DCC: variants seen among roughly 807,000 people sequenced by gnomAD.
DCC encodes netrin receptor DCC.
Under a neutral mutation model 172.5 loss-of-function variants are expected in DCC, and 58 were observed. The observed-to-expected ratio is 0.34, with a 90% CI of 0.27 to 0.42. The LOEUF (loss-of-function observed/expected upper bound fraction) is 0.42, where lower values mean the gene tolerates loss of function less well. Among genes scored for constraint, DCC ranks in the 10% least tolerant of loss-of-function variants. The pLI, the probability that DCC is intolerant of heterozygous loss-of-function variation, is 1.00. For synonymous variants in DCC, 709 were observed against 644.5 expected (o/e 1.10, Z -1.52); for missense variants, 1,740 against 1,791.0 (o/e 0.97, Z 0.51).
intron 12 of DCC, among the ~76,000 whole-genome samples, chr18:53,252,996 T>A (rs1323341597): frequency 3.3e-5 from 5 of 152,020 alleles, no homozygotes; most frequent in Non-Finnish European, 5.9e-5. Flanking sequence ...GCACTTATAT[T>A]TCCTGACTCC....
At position 53,140,334 on chromosome 18, in the gene DCC, G is replaced by A. The variant is rs576924177; in HGVS notation, c.1262-17022G>A. 9.7e-4 allele frequency among the ~76,000 whole-genome samples: 148 copies of A among 152,288 alleles called. 1 individual carries two copies. Among genetic ancestry groups the A allele is most frequent in the African/African-American group, 3.4e-3 (143 of 41,566 alleles). On this transcript the variant is annotated intron_variant, in intron 7 of 28. Transcript: ENST00000442544. ...GTCAACTCAGATTAATTTGGTAGAG[G>A]TGAAAATGAATTCTTTCGCAGAAAT...
chr18:53,134,119 G>A lies in DCC; in HGVS notation c.1262-23237G>A, dbSNP rs1321580855. 2.6e-5 allele frequency among the ~76,000 whole-genome samples: 4 copies of A among 152,162 alleles called. No individual in the cohort carries two copies. In the East Asian group the frequency reaches 7.7e-4, roughly 29 times the overall value. ...CAAGTTGAGGCTGTGCCTCTCTTTA[G>A]AATGTCTGCATTTTAAATATCTATT... On this transcript the variant is annotated intron_variant, in intron 7 of 28. Transcript: ENST00000442544.
At chr18:52,433,523 T>C (rs796394674) in intron 1 of DCC, among the ~76,000 whole-genome samples, 73 of 152,262 alleles carry the variant, frequency 4.8e-4, no homozygotes, top group African/African-American at 1.7e-3. Flanking sequence ...TGGCAAATAA[T>C]GAATTGTTTT....
At chr18:52,978,776 C>T (rs1287986615) in intron 5 of DCC, among the ~76,000 whole-genome samples, 1 of 152,198 alleles carries the variant, frequency 6.6e-6, no homozygotes, top group Non-Finnish European at 1.5e-5. Flanking sequence ...TATGCCTTTG[C>T]ATACCCATGG....
chr18:53,062,766 C>T (rs1011147377), intron 5 of DCC, among the ~76,000 whole-genome samples: 1 of 151,996 alleles, frequency 6.6e-6, no homozygotes, highest in Non-Finnish European at 1.5e-5. Context: ...ATTGCTAAGA[C>T]AATAAGAATG....
intron 5 of DCC, among the ~76,000 whole-genome samples, chr18:52,927,138 T>TGTATATACAC (rs2040226501): frequency 2.3e-5 from 1 of 43,528 alleles, no homozygotes; most frequent in African/African-American, 6.9e-5. Flanking sequence ...CGTATATACG[T>TGTATATACAC]GTATATATGT....
intron 1 of DCC, among the ~76,000 whole-genome samples, chr18:52,560,436 T>C (rs1333466973): frequency 6.6e-6 from 1 of 152,244 alleles, no homozygotes; most frequent in Non-Finnish European, 1.5e-5. Flanking sequence ...GGCCATAGTG[T>C]GCTGCTCTCT....
intron 7 of DCC, among the ~76,000 whole-genome samples, chr18:53,110,355 C>G (rs1242791950): frequency 1.3e-5 from 2 of 151,514 alleles, no homozygotes; most frequent in Non-Finnish European, 3.0e-5. Context: ...AACGACTGTT[C>G]CATATCATAG....
intron 2 of DCC, among the ~76,000 whole-genome samples, chr18:52,870,915 T>C (rs889494101): frequency 9.2e-5 from 14 of 152,144 alleles, no homozygotes; most frequent in Non-Finnish European, 2.1e-4. Context: ...TTTACTGCAA[T>C]GCCACGGTCT....
intron 1 of DCC, among the ~76,000 whole-genome samples, chr18:52,608,121 A>G (rs1229623252): frequency 1.3e-5 from 2 of 151,884 alleles, no homozygotes; most frequent in African/African-American, 4.8e-5. Flanking sequence ...TGTCTCTGCC[A>G]CCCTAACCTC....
At chr18:52,359,100 CCT>C (rs1221958680) in intron 1 of DCC, among the ~76,000 whole-genome samples, 3 of 152,104 alleles carry the variant, frequency 2.0e-5, no homozygotes, top group African/African-American at 4.8e-5. Flanking sequence ...TTTCCTATTC[CCT>C]GTCTTTAGCC....
At position 53,429,568 on chromosome 18, in the gene DCC, T is replaced by C. The variant is rs1911473017; in HGVS notation, c.3164-5576T>C. Among the ~76,000 whole-genome samples, 3 of 152,058 alleles carry C rather than the reference T, an allele frequency of 2.0e-5. No homozygotes were observed. The South Asian group carries it at 6.2e-4, about 32-fold the overall frequency. On this transcript the variant is annotated intron_variant, in intron 21 of 28. Coordinates refer to ENST00000442544, the MANE Select transcript of DCC (RefSeq NM_005215.4). Reference sequence around the variant, plus strand: ...ATATTTTATGGCCTAAATACAGAAATTGGAATTGCAAAAATACTACTACTT... The same window carrying C: ...ATATTTTATGGCCTAAATACAGAAACTGGAATTGCAAAAATACTACTACTT...
At position 53,345,518 on chromosome 18, in the gene DCC, A is replaced by C. The variant is rs534280939; in HGVS notation, c.2359+5611A>C. On this transcript the variant is annotated intron_variant, in intron 15 of 28. Coordinates refer to ENST00000442544, the MANE Select transcript of DCC (RefSeq NM_005215.4). ...ATGATTTTTTTTAAGACATAAGGGG[A>C]AACTATGATGTTTTCTATTTACCCA... Among the ~76,000 whole-genome samples, 5 of 152,246 alleles carry C rather than the reference A, an allele frequency of 3.3e-5. No homozygotes were observed. The South Asian group carries it at 1.0e-3, about 32-fold the overall frequency.
intron 1 of DCC, among the ~76,000 whole-genome samples, chr18:52,421,117 A>G (rs2144434229): frequency 6.6e-6 from 1 of 152,290 alleles, no homozygotes; most frequent in East Asian, 1.9e-4. Flanking sequence ...AAACATAGAA[A>G]AGTTATTGAA....
Position 53,148,238 on chromosome 18 carries a change from C to T in DCC, c.1262-9118C>T, listed in dbSNP as rs778335258. ...CATGTGTTCTTTAGACGTTCTTCAC[C>T]GGCAGAGGACAGGATTGCCTGCCAG... On this transcript the variant is annotated intron_variant, in intron 7 of 28. Coordinates refer to ENST00000442544, the MANE Select transcript of DCC (RefSeq NM_005215.4). 3.2e-4 allele frequency among the ~76,000 whole-genome samples: 49 copies of T among 152,214 alleles called. 1 individual carries two copies. Among genetic ancestry groups the T allele is most frequent in the Admixed American group, 2.0e-3 (31 of 15,286 alleles).
At chr18:53,114,773 G>A (rs2043386832) in intron 7 of DCC, among the ~76,000 whole-genome samples, 1 of 151,510 alleles carries the variant, frequency 6.6e-6, no homozygotes, top group South Asian at 2.1e-4. Context: ...AGATTTCTGT[G>A]GGCCCTGGCT....
chr18:52,972,233 CAAA>C (rs1433098687), intron 5 of DCC, among the ~76,000 whole-genome samples: 1 of 152,098 alleles, frequency 6.6e-6, no homozygotes, highest in African/African-American at 2.4e-5. Flanking sequence ...TGAGAGTAAA[CAAA>C]AACACATTTA....
At chr18:52,452,440 T>C (rs1988334418) in intron 1 of DCC, among the ~76,000 whole-genome samples, 1 of 152,214 alleles carries the variant, frequency 6.6e-6, no homozygotes, top group Non-Finnish European at 1.5e-5. Context: ...TAAGCACATT[T>C]CCATTATCGT....
chr18:53,154,305 C>T (rs763272483), intron 7 of DCC, among the ~76,000 whole-genome samples: 13 of 152,100 alleles, frequency 8.5e-5, no homozygotes, highest in Admixed American at 2.6e-4. Context: ...CTTCCTGATT[C>T]TCTGCAGTAT....
Sources: allele counts gnomAD v4.1 joint callset (sites outside exome capture counted in the v4.1 genomes callset), GRCh38; gene constraint gnomAD v4.1.1; transcripts MANE v1.5; gene names NCBI Gene and HGNC (gene_info 2026-07-23, HGNC 2026-07-21).